TCF7L2: variants seen among roughly 807,000 people sequenced by gnomAD.
The protein encoded by TCF7L2 is transcription factor 7-like 2.
In TCF7L2, 23 loss-of-function variants were observed where a neutral mutation model predicts 77.9. That is an observed-to-expected ratio of 0.30 (90% CI 0.21 to 0.42). The LOEUF is 0.42. Among genes scored for constraint, TCF7L2 ranks in the 10% least tolerant of loss-of-function variants. TCF7L2 has a pLI of 1.00. For missense variants in TCF7L2, 654 were observed against 793.1 expected, an observed-to-expected ratio of 0.82 and a Z score of 2.11; for synonymous variants, 413 against 340.2, an observed-to-expected ratio of 1.21 and a Z score of -2.36.
At chr10:113,132,822 A>AG (rs1265476575) in intron 5 of TCF7L2, 3 of 152,364 alleles carry the variant, frequency 2.0e-5, no homozygotes, top group African/African-American at 7.2e-5. Flanking sequence ...GAAATTACTT[A>AG]GGGGTGAAGT....
chr10:113,086,755 CA>C (rs2059878646), intron 5 of TCF7L2, among the ~76,000 whole-genome samples: 1 of 104,966 alleles, frequency 9.5e-6, no homozygotes, highest in Admixed American at 9.6e-5. Context: ...AAGAAAGACT[CA>C]AAAGGAAAAA....
intron 5 of TCF7L2, among the ~76,000 whole-genome samples, chr10:113,096,838 A>G (rs1214313590): frequency 6.6e-6 from 1 of 152,094 alleles, no homozygotes; most frequent in African/African-American, 2.4e-5. Flanking sequence ...AGCTCCCTCC[A>G]GAGGGGAGGG....
intron 3 of TCF7L2, among the ~76,000 whole-genome samples, chr10:112,963,267 C>G (rs2035769096): frequency 6.6e-6 from 1 of 152,002 alleles, no homozygotes; most frequent in South Asian, 2.1e-4. Context: ...TGAGTTAGTT[C>G]AAAAGTTCTT....
intron 4 of TCF7L2, among the ~76,000 whole-genome samples, chr10:112,991,325 C>G (rs1220161555): frequency 1.3e-5 from 2 of 151,894 alleles, no homozygotes; most frequent in East Asian, 3.9e-4. Flanking sequence ...GTCAGGAGAT[C>G]GAAACCATCC....
chr10:113,078,251 A>G (rs1000445637), intron 5 of TCF7L2, among the ~76,000 whole-genome samples: 2 of 152,122 alleles, frequency 1.3e-5, no homozygotes, highest in Admixed American at 1.3e-4. Context: ...GATCAAGTCT[A>G]TGAGCGGTCC....
Position 113,039,007 on chromosome 10 carries a change from T to G in TCF7L2, c.451-1018T>G, listed in dbSNP as rs2051925113. Among the ~76,000 whole-genome samples, 4 of 152,220 alleles carry G rather than the reference T, an allele frequency of 2.6e-5. No individual in the cohort carries two copies. In the South Asian group the frequency reaches 8.3e-4, roughly 32 times the overall value. ...TCCAAGCATTCATTAACTGATGGAT[T>G]AGTGAGTTGGCCTTGAGAAGCATAA... is the stretch of plus-strand genomic sequence containing the variant. On this transcript the variant is annotated intron_variant, in intron 4 of 13. Transcript: ENST00000627217.
chr10:113,110,390 T>A (rs1388225143), intron 5 of TCF7L2, among the ~76,000 whole-genome samples: 2 of 106,164 alleles, frequency 1.9e-5, no homozygotes, highest in African/African-American at 6.4e-5. Flanking sequence ...TTTTTTTTTT[T>A]ACGAATTTTT....
At chr10:113,079,030 C>T (rs908329396) in intron 5 of TCF7L2, among the ~76,000 whole-genome samples, 3 of 151,904 alleles carry the variant, frequency 2.0e-5, no homozygotes, top group African/African-American at 4.8e-5. Flanking sequence ...ACGGGGGTTT[C>T]ACCATGTTGG....
chr10:113,109,392 T>C (rs971681124), intron 5 of TCF7L2, among the ~76,000 whole-genome samples: 2 of 152,198 alleles, frequency 1.3e-5, no homozygotes, highest in African/African-American at 4.8e-5. Flanking sequence ...TTTATTTGTT[T>C]ATTTATTTTT....
intron 4 of TCF7L2, among the ~76,000 whole-genome samples, chr10:112,976,178 C>T (rs1416253129): frequency 6.6e-6 from 1 of 152,086 alleles, no homozygotes; most frequent in Non-Finnish European, 1.5e-5. Flanking sequence ...ATGATCTGGG[C>T]AGTACGATGA....
chr10:113,089,677 G>A (rs139036816), intron 5 of TCF7L2: 31 of 1,164,890 alleles, frequency 2.7e-5, no homozygotes, highest in Non-Finnish European at 3.7e-5. Context: ...GTCATTTTGG[G>A]TGCCATGATG....
At chr10:113,088,108 T>C (rs972317848) in intron 5 of TCF7L2, among the ~76,000 whole-genome samples, 1 of 152,160 alleles carries the variant, frequency 6.6e-6, no homozygotes, top group Non-Finnish European at 1.5e-5. Flanking sequence ...TAAAACTTTT[T>C]ACAATGAACA....
chr10:113,129,577 T>G lies in TCF7L2; in HGVS notation c.553-11607T>G, dbSNP rs1023537136. 7.0e-6 allele frequency: 7 copies of G among 1,002,702 alleles called. No individual in the cohort carries two copies. The African/African-American group carries it at 1.2e-4, about 17-fold the overall frequency. 62.1% of individuals were successfully genotyped at this position (1,002,702 alleles called of 1,614,324 possible). ...TTTGTTTTTTATTTTTAAGATTTTTTTAGGGATGTGTGTACAGGGGGAAGG... is the reference window on the plus strand; with the variant it reads ...TTTGTTTTTTATTTTTAAGATTTTTGTAGGGATGTGTGTACAGGGGGAAGG... On this transcript the variant is annotated intron_variant, in intron 5 of 13. Transcript: ENST00000627217.
chr10:113,007,551 A>G (rs1301221388), intron 4 of TCF7L2, among the ~76,000 whole-genome samples: 1 of 152,228 alleles, frequency 6.6e-6, no homozygotes, highest in Non-Finnish European at 1.5e-5. Context: ...TAATAGCTTG[A>G]CTGAAGGTTG....
At chr10:112,988,329 C>T (rs2041939717) in intron 4 of TCF7L2, among the ~76,000 whole-genome samples, 2 of 152,118 alleles carry the variant, frequency 1.3e-5, no homozygotes, top group Admixed American at 6.6e-5. Flanking sequence ...GAACTCCTGA[C>T]CTCAGGTGAT....
chr10:112,968,736 G>T (rs1265964789), intron 4 of TCF7L2, among the ~76,000 whole-genome samples: 1 of 151,994 alleles, frequency 6.6e-6, no homozygotes, highest in Non-Finnish European at 1.5e-5. Flanking sequence ...CTGCCACCAC[G>T]TTCGGCTCAT....
intron 4 of TCF7L2, among the ~76,000 whole-genome samples, chr10:112,993,141 G>A (rs1590130545): frequency 1.3e-5 from 2 of 152,090 alleles, no homozygotes; most frequent in Admixed American, 6.5e-5. Context: ...GATTTGTCAC[G>A]TGTCCTCTCC....
intron 5 of TCF7L2, among the ~76,000 whole-genome samples, chr10:113,056,463 G>A (rs1022813901): frequency 6.6e-6 from 1 of 152,164 alleles, no homozygotes; most frequent in African/African-American, 2.4e-5. Flanking sequence ...GTCTCCAGGA[G>A]GGCGGTTCAA....
intron 5 of TCF7L2, among the ~76,000 whole-genome samples, chr10:113,089,945 T>A (rs2060200116): frequency 6.6e-6 from 1 of 152,214 alleles, no homozygotes; most frequent in Non-Finnish European, 1.5e-5. Context: ...TTTGCCTTCG[T>A]TACTAGTAAT....
Sources: allele counts gnomAD v4.1 joint callset (sites outside exome capture counted in the v4.1 genomes callset), GRCh38; gene constraint gnomAD v4.1.1; transcripts MANE v1.5; gene names NCBI Gene and HGNC (gene_info 2026-07-23, HGNC 2026-07-21).